Variants in TOX2 observed in about 807,000 individuals in gnomAD.
The protein encoded by TOX2 is granulosa cell HMG box 1.
In TOX2, 15 loss-of-function variants were observed where a neutral mutation model predicts 47.4. The ratio of observed to expected loss-of-function variants is 0.32; its 90% CI spans 0.21 to 0.49. The LOEUF (loss-of-function observed/expected upper bound fraction) is 0.49, where lower values mean the gene tolerates loss of function less well. TOX2 is among the 20% of genes least tolerant of loss of function. TOX2 has a pLI of 0.99. For synonymous variants in TOX2, 290 were observed against 296.6 expected (o/e 0.98, Z 0.23); for missense variants, 622 against 673.1 (o/e 0.92, Z 0.84).
At chr20:44,045,545 T>A (rs1182716052) in intron 3 of TOX2, among the ~76,000 whole-genome samples, 1 of 152,200 alleles carries the variant, frequency 6.6e-6, no homozygotes, top group Non-Finnish European at 1.5e-5. Flanking sequence ...TGGAGTAGAA[T>A]TCTAGGTTAT....
At chr20:44,018,223 T>A (rs532243246) in intron 3 of TOX2, among the ~76,000 whole-genome samples, 1 of 152,238 alleles carries the variant, frequency 6.6e-6, no homozygotes, top group African/African-American at 2.4e-5. Flanking sequence ...TTTGTGATGT[T>A]TTATGGTTGC....
intron 1 of TOX2, among the ~76,000 whole-genome samples, chr20:43,930,870 T>C (rs959989561): frequency 6.6e-6 from 1 of 152,266 alleles, no homozygotes; most frequent in African/African-American, 2.4e-5. Context: ...CTTTGCCTTC[T>C]TAATACTCAA....
chr20:44,064,696 A>G, intron 5 of TOX2, 81 bp from the exon 6 acceptor site: 2 of 1,364,414 alleles, frequency 1.5e-6, no homozygotes, highest in South Asian at 2.5e-5. Context: ...CCTTGAATCC[A>G]TGCCTTCCCA....
intron 5 of TOX2, among the ~76,000 whole-genome samples, chr20:44,059,130 T>C (rs2071673346): frequency 1.3e-5 from 2 of 152,126 alleles, no homozygotes; most frequent in Admixed American, 1.3e-4. Flanking sequence ...AAAAGAATTA[T>C]ACAGCATATG....
Position 43,947,576 on chromosome 20 carries a change from C to A in TOX2, c.100-25791C>A, listed in dbSNP as rs570906672. On this transcript the variant is annotated intron_variant, in intron 1 of 8. Transcript: ENST00000341197. ...GAGGCTCTGGAATCTGTTTGGGGAG[C>A]TTGAAGGGAGGGCCATGTCTGTTTC... is the stretch of plus-strand genomic sequence containing the variant. 2.4e-4 allele frequency among the ~76,000 whole-genome samples: 37 copies of A among 152,250 alleles called. 1 individual carries two copies. The South Asian group carries it at 7.7e-3, about 32-fold the overall frequency.
intron 3 of TOX2, among the ~76,000 whole-genome samples, chr20:44,042,313 G>T (rs1412673982): frequency 6.6e-6 from 1 of 152,210 alleles, no homozygotes; most frequent in Admixed American, 6.5e-5. Context: ...CAACATGTGG[G>T]AATTACAGAA....
intron 1 of TOX2, among the ~76,000 whole-genome samples, chr20:43,969,934 G>C (rs2069933825): frequency 6.6e-6 from 1 of 152,136 alleles, no homozygotes; most frequent in Admixed American, 6.5e-5. Context: ...CCCCTTGCCT[G>C]CCCCTAACAC....
chr20:43,933,180 A>G (rs1294313382), intron 1 of TOX2, among the ~76,000 whole-genome samples: 3 of 152,212 alleles, frequency 2.0e-5, no homozygotes, highest in Admixed American at 6.5e-5. Flanking sequence ...TGTCTCCGTT[A>G]CCTAGCTCAT....
intron 1 of TOX2, among the ~76,000 whole-genome samples, chr20:43,940,494 G>T (rs751245253): frequency 6.6e-6 from 1 of 151,838 alleles, no homozygotes; most frequent in African/African-American, 2.4e-5. Context: ...AAATTGCTGG[G>T]ATTACAGGTG....
intron 3 of TOX2, among the ~76,000 whole-genome samples, chr20:44,022,039 G>A (rs181865549): frequency 5.3e-5 from 8 of 152,304 alleles, no homozygotes; most frequent in Non-Finnish European, 8.8e-5. Context: ...CCCTTAGCAC[G>A]TGGCGGAAGG....
rs902383803 is a variant in TOX2, at chr20:43,948,276, C to A, written c.100-25091C>A. Reference sequence around the variant, plus strand: ...GAAGTGGGAGGCCTGAGTTGCAGGGCTTTTCCTGCCATTAGTAATTGCTGT... The same window carrying A: ...GAAGTGGGAGGCCTGAGTTGCAGGGATTTTCCTGCCATTAGTAATTGCTGT... On this transcript the variant is annotated intron_variant, in intron 1 of 8. Transcript: ENST00000341197. 3.9e-5 allele frequency among the ~76,000 whole-genome samples: 6 copies of A among 152,098 alleles called. No homozygotes were observed. In the South Asian group the frequency reaches 1.2e-3, roughly 32 times the overall value.
At chr20:44,008,559 C>CA (rs11353562) in intron 3 of TOX2, among the ~76,000 whole-genome samples, 66 of 149,210 alleles carry the variant, frequency 4.4e-4, no homozygotes, top group East Asian at 3.4e-3. Flanking sequence ...GACCCTGTCT[C>CA]AAAAAAAAAA....
In TOX2 at chr20:44,039,607, G is replaced by A. The variant is rs570975858; in HGVS notation, c.412-11699G>A. On this transcript the variant is annotated intron_variant, in intron 3 of 8. Coordinates refer to ENST00000341197, the MANE Select transcript of TOX2 (RefSeq NM_001098797.2). ...GGGTGAACCCAGGAAGCCCTTGGAG[G>A]GAAAAAGGCAAGTGAGATTGAAAGG... Among the ~76,000 whole-genome samples the A allele has an allele frequency of 2.6e-3, 397 of 152,300 alleles. 3 individuals are homozygous for A. In the Middle Eastern group the frequency reaches 0.044, roughly 17 times the overall value.
chr20:43,933,171 G>A (rs907706883), intron 1 of TOX2, among the ~76,000 whole-genome samples: 5 of 152,218 alleles, frequency 3.3e-5, no homozygotes, highest in Non-Finnish European at 4.4e-5. Context: ...GGTGGTGAAT[G>A]TCTCCGTTAC....
intron 2 of TOX2, among the ~76,000 whole-genome samples, chr20:43,974,682 A>G (rs963751137): frequency 6.6e-6 from 1 of 152,252 alleles, no homozygotes; most frequent in African/African-American, 2.4e-5. Flanking sequence ...ATTCACAAAT[A>G]TTTATGTCCC....
rs761196074 is a variant in TOX2 at position 44,065,679 on chromosome 20, G to C, written c.961-33G>C. On this transcript the variant is annotated intron_variant, in intron 6 of 8. Coordinates refer to ENST00000341197, the MANE Select transcript of TOX2 (RefSeq NM_001098797.2). ...CCATGTTCTGGCTCATCCCTCTTCT[G>C]TTCTCCAGTGACTGATATCTGTCTC... 2.6e-6 allele frequency: 4 copies of C among 1,548,896 alleles called. No homozygotes were observed. In the Admixed American group the frequency reaches 7.2e-5, roughly 28 times the overall value.
intron 3 of TOX2, among the ~76,000 whole-genome samples, chr20:44,047,057 T>C (rs1336268133): frequency 6.6e-6 from 1 of 152,196 alleles, no homozygotes; most frequent in African/African-American, 2.4e-5. Context: ...CAAATAACTT[T>C]AGGGTCAGAG....
At chr20:43,974,077 T>C (rs1445976482) in intron 2 of TOX2, among the ~76,000 whole-genome samples, 5 of 152,186 alleles carry the variant, frequency 3.3e-5, no homozygotes, top group Non-Finnish European at 2.9e-5. Context: ...ATCCTCACTA[T>C]AGACTATGAT....
chr20:43,964,750 T>G (rs2069821610), intron 1 of TOX2, among the ~76,000 whole-genome samples: 1 of 152,198 alleles, frequency 6.6e-6, no homozygotes, highest in Non-Finnish European at 1.5e-5. Flanking sequence ...CTGCTGCTCA[T>G]GGAAGCCTTG....
Sources: allele counts gnomAD v4.1 joint callset (sites outside exome capture counted in the v4.1 genomes callset), GRCh38; gene constraint gnomAD v4.1.1; transcripts MANE v1.5; gene names NCBI Gene and HGNC (gene_info 2026-07-23, HGNC 2026-07-21).